The following MYCBP2 variants were observed in gnomAD, a reference collection of about 807,000 sequenced individuals.
MYCBP2 encodes the protein E3 ubiquitin-protein ligase MYCBP2.
A neutral mutation model predicts 525.3 loss-of-function variants in MYCBP2; 120 were observed. The observed-to-expected ratio is 0.23, with a 90% CI of 0.20 to 0.27. The LOEUF (loss-of-function observed/expected upper bound fraction) is 0.27, where lower values mean the gene tolerates loss of function less well. Among genes scored for constraint, MYCBP2 ranks in the 10% least tolerant of loss-of-function variants. The probability of loss-of-function intolerance (pLI) is 1.00; values close to 1 mark genes in which losing one functional copy is unlikely to be tolerated. For synonymous variants in MYCBP2, 1,894 were observed against 1,955.8 expected (o/e 0.97, Z 0.83); for missense variants, 4,149 against 5,657.1 (o/e 0.73, Z 8.55).
At chr13:77,092,755 A>G (rs942075009) in intron 59 of MYCBP2, among the ~76,000 whole-genome samples, 3 of 152,076 alleles carry the variant, frequency 2.0e-5, no homozygotes, top group Admixed American at 2.0e-4. Context: ...CATTATTGTA[A>G]CAAGTTTCTA....
intron 26 of MYCBP2, among the ~76,000 whole-genome samples, chr13:77,199,466 G>T (rs1447600277): frequency 1.3e-5 from 2 of 152,238 alleles, no homozygotes; most frequent in Non-Finnish European, 2.9e-5. Flanking sequence ...GGCTGGGGGA[G>T]GGGCGCCCGC....
chr13:77,095,728 A>C, intron 57 of MYCBP2, 126 bp from the exon 58 acceptor site: 1 of 1,191,184 alleles, frequency 8.4e-7, no homozygotes, highest in Non-Finnish European at 1.1e-6. Context: ...TAAGATAATA[A>C]GATTATAAAA....
At chr13:77,234,239 AT>A (rs1398004573) in intron 17 of MYCBP2, among the ~76,000 whole-genome samples, 2 of 152,000 alleles carry the variant, frequency 1.3e-5, no homozygotes, top group Non-Finnish European at 2.9e-5. Flanking sequence ...AACATCAAAA[AT>A]GTCTTCAAAT....
intron 80 of MYCBP2, among the ~76,000 whole-genome samples, chr13:77,053,979 T>C (rs1014049630): frequency 6.6e-5 from 10 of 152,240 alleles, no homozygotes; most frequent in Admixed American, 3.3e-4. Flanking sequence ...GTAGTCATAA[T>C]GCAGAATAGG....
At chr13:77,141,561 G>A (rs1468950777) in intron 49 of MYCBP2, among the ~76,000 whole-genome samples, 1 of 151,868 alleles carries the variant, frequency 6.6e-6, no homozygotes, top group Non-Finnish European at 1.5e-5. Flanking sequence ...ACCTGAGGTC[G>A]GGAGTTCAAG....
At chr13:77,194,801 G>A (rs2154261789) in intron 26 of MYCBP2, among the ~76,000 whole-genome samples, 1 of 151,976 alleles carries the variant, frequency 6.6e-6, no homozygotes, top group East Asian at 1.9e-4. Context: ...TACAGAGAGA[G>A]AAGAGCAACA....
At position 77,324,247 on chromosome 13, in the gene MYCBP2, A is replaced by G. The variant is rs191519559; in HGVS notation, c.302+2227T>C. 4.6e-5 allele frequency among the ~76,000 whole-genome samples: 7 copies of G among 152,294 alleles called. No homozygotes were observed. The East Asian group carries it at 1.2e-3, about 25-fold the overall frequency. On this transcript the variant is annotated intron_variant, in intron 1 of 82. Coordinates refer to ENST00000544440, the MANE Select transcript of MYCBP2 (RefSeq NM_015057.5). Reference sequence around the variant, plus strand: ...CTAGAGCCACAGAGGCTACTGTTTCATGATTTTCTTCTTAATTTTGATTCC... The same window carrying G: ...CTAGAGCCACAGAGGCTACTGTTTCGTGATTTTCTTCTTAATTTTGATTCC...
At position 77,176,523 on chromosome 13, in the gene MYCBP2, T is replaced by C. The variant is rs764719125; in HGVS notation, c.5446A>G (p.Arg1816Gly). 1.9e-6 allele frequency: 3 copies of C among 1,586,308 alleles called. No individual in the cohort carries two copies. The highest frequency in any genetic ancestry group is 2.6e-6 in the Non-Finnish European group (3 of 1,162,596). Residue 1816 changes from arginine (R) to glycine (G), a missense_variant, in exon 36 of 83, where the codon AGA (arginine) becomes GGA (glycine). Transcript: ENST00000544440. ...TTTAAAGGAACCACTTTGTCAAGTC[T>C]GATCTCAGCTATATCACTGGGTGAG... ...DDSPSDIAEI[R>G]LDKVVPLKEN...
chr13:77,059,933 T>C (rs2038962272), intron 76 of MYCBP2, among the ~76,000 whole-genome samples: 1 of 151,862 alleles, frequency 6.6e-6, no homozygotes, highest in East Asian at 1.9e-4. Context: ...AGCCCCTGAC[T>C]CCAAATGCAC....
chr13:77,092,850 A>G (rs1436258027), intron 59 of MYCBP2, among the ~76,000 whole-genome samples: 2 of 152,140 alleles, frequency 1.3e-5, no homozygotes, highest in Non-Finnish European at 2.9e-5. Flanking sequence ...GAAGTTTAAG[A>G]TTTATTTTCA....
At chr13:77,214,724 T>C (rs1267961392) in intron 21 of MYCBP2, among the ~76,000 whole-genome samples, 1 of 152,214 alleles carries the variant, frequency 6.6e-6, no homozygotes, top group Non-Finnish European at 1.5e-5. Flanking sequence ...TTAGGTGATA[T>C]GGTGTAGCCT....
At position 77,097,618 on chromosome 13, in the gene MYCBP2, GA is replaced by G; in HGVS notation, c.9535del (p.Ser3179ProfsTer4). On this transcript the variant is annotated frameshift_variant, in exon 56 of 83. Coordinates refer to ENST00000544440, the MANE Select transcript of MYCBP2 (RefSeq NM_015057.5). LOFTEE classifies it high-confidence loss of function. ...DISLATIKAA[S>X]QNMIFPSPGS... ...AGGACTTGGAAAAATCATATTCTGG[GA>G]AGCAGCTTTGATAGTAGCCAAAGAG... 6.2e-7 allele frequency: 1 copy of G among 1,613,474 alleles called. No individual in the cohort carries two copies. Among genetic ancestry groups the G allele is most frequent in the Non-Finnish European group, 8.5e-7 (1 of 1,179,756 alleles).
At chr13:77,321,704 T>C (rs1460190479) in intron 1 of MYCBP2, among the ~76,000 whole-genome samples, 2 of 152,260 alleles carry the variant, frequency 1.3e-5, no homozygotes, top group Non-Finnish European at 2.9e-5. Flanking sequence ...CAGCCTAGAA[T>C]GCCATGCCTT....
At chr13:77,069,692 T>TAAGAA (rs2040825809) in intron 69 of MYCBP2, among the ~76,000 whole-genome samples, 20 of 70,350 alleles carry the variant, frequency 2.8e-4, no homozygotes, top group Non-Finnish European at 4.6e-4. Flanking sequence ...CCGTCTGTAC[T>TAAGAA]AAAAAAAAAA....
chr13:77,229,146 T>C (rs1158572169), intron 18 of MYCBP2, among the ~76,000 whole-genome samples: 3 of 152,206 alleles, frequency 2.0e-5, no homozygotes, highest in Non-Finnish European at 4.4e-5. Context: ...CATTTGCTAG[T>C]TGTATGACAA....
At chr13:77,295,348 G>A (rs2078063693) in intron 2 of MYCBP2, among the ~76,000 whole-genome samples, 1 of 152,092 alleles carries the variant, frequency 6.6e-6, no homozygotes, top group African/African-American at 2.4e-5. Context: ...TGGCCAGGAT[G>A]GTCTCGACCT....
At chr13:77,259,264 C>CA (rs941373765) in intron 13 of MYCBP2, among the ~76,000 whole-genome samples, 544 of 143,404 alleles carry the variant, frequency 3.8e-3, no homozygotes, top group Non-Finnish European at 6.3e-3. Flanking sequence ...GACTCCCTCT[C>CA]AAAAAAAAAA....
chr13:77,257,984 TTAACTTTG>T (rs1472470213), intron 13 of MYCBP2, among the ~76,000 whole-genome samples, 155 bp from the exon 14 acceptor site: 2 of 152,202 alleles, frequency 1.3e-5, no homozygotes, highest in South Asian at 2.1e-4. Context: ...TATCACTGAA[TTAACTTTG>T]TAACTTTGTA....
chr13:77,120,331 G>T (rs2050470548), intron 55 of MYCBP2, among the ~76,000 whole-genome samples: 1 of 152,012 alleles, frequency 6.6e-6, no homozygotes, highest in African/African-American at 2.4e-5. Context: ...GTCCAAGGGA[G>T]TAAAAAAAAA....
Sources: gnomAD v4.1 joint callset for allele counts (sites outside exome capture counted in the v4.1 genomes callset) on GRCh38, gnomAD v4.1.1 for gene constraint, MANE v1.5 for transcripts, NCBI Gene and HGNC (gene_info 2026-07-23, HGNC 2026-07-21) for gene names.